Variants in ABCA5 observed in about 807,000 individuals in gnomAD.
ABCA5 encodes the protein ATP binding cassette subfamily A member 5.
A neutral mutation model predicts 206.0 loss-of-function variants in ABCA5; 163 were observed. The observed-to-expected ratio is 0.79, with a 90% confidence interval of 0.70 to 0.90. ABCA5 has a LOEUF of 0.90. ABCA5 is among the 40% of genes least tolerant of loss of function. The pLI, the probability that ABCA5 is intolerant of heterozygous loss-of-function variation, is 0.00. For missense variants in ABCA5, 1,859 were observed against 1,912.9 expected (o/e 0.97, Z 0.53); for synonymous variants, 609 against 613.8 (o/e 0.99, Z 0.11).
In ABCA5 at chr17:69,302,944, T is replaced by C. The variant is rs764847428; in HGVS notation, c.931-38A>G. The stretch of plus-strand genomic sequence containing the variant: ...AATATTAAGGTTAGTGCAATGTTCA[T>C]ATATACCAGTATGAAAACAAAATTA... On this transcript the variant is annotated intron_variant, in intron 7 of 38. Transcript: ENST00000392676. 79 of 1,103,958 alleles carry C rather than the reference T, an allele frequency of 7.2e-5. 1 individual carries two copies. The South Asian group carries it at 2.1e-3, about 30-fold the overall frequency. The allele number at this position is 1,103,958 out of a possible 1,614,324, so 68.4% of individuals were successfully genotyped here.
chr17:69,311,454 GACTT>G (rs1353915762), intron 3 of ABCA5, among the ~76,000 whole-genome samples: 1 of 151,920 alleles, frequency 6.6e-6, no homozygotes, highest in Non-Finnish European at 1.5e-5. Flanking sequence ...AATACACACT[GACTT>G]AGTTGTTTTT....
chr17:69,291,849 G>A (rs1024910377), intron 11 of ABCA5, among the ~76,000 whole-genome samples: 5 of 151,714 alleles, frequency 3.3e-5, no homozygotes, highest in African/African-American at 7.2e-5. Flanking sequence ...ACAGTGGCTC[G>A]TGCCTGTAAT....
intron 17 of ABCA5, among the ~76,000 whole-genome samples, chr17:69,284,416 A>G (rs1034654046): frequency 6.6e-6 from 1 of 152,036 alleles, no homozygotes; most frequent in African/African-American, 2.4e-5. Context: ...TATCATATCT[A>G]TTACCATATT....
chr17:69,268,189 A>G (rs2075232812), intron 22 of ABCA5, 133 bp from the exon 23 acceptor site: 1 of 544,894 alleles, frequency 1.8e-6, no homozygotes, highest in African/African-American at 1.9e-5. Context: ...TAACCCAGGC[A>G]TAGTCTACAT....
In ABCA5 at chr17:69,255,610, G is replaced by A. The variant is rs761758132; in HGVS notation, c.4001C>T (p.Pro1334Leu). Residue 1334 changes from proline to leucine, a missense_variant, in exon 31 of 39, where the codon CCA becomes CTA. Pro to Leu is a moderately conservative substitution (Grantham distance 98). Coordinates refer to ENST00000392676, the MANE Select transcript of ABCA5 (RefSeq NM_172232.4). ...KKGEILGLLG[P>L]NGAGKSTIIN... ...AATTGTGCTTTTGCCAGCACCATTT[G>A]GACCCAATAGTCCTAAGATCTCTCC... 6.3e-7 allele frequency: 1 copy of A among 1,580,744 alleles called. No individual in the cohort carries two copies. Among genetic ancestry groups the A allele is most frequent in the Non-Finnish European group, 8.5e-7 (1 of 1,170,888 alleles).
chr17:69,255,957 G>T (rs1274618507), intron 29 of ABCA5, 107 bp from the exon 30 acceptor site: 2 of 1,102,058 alleles, frequency 1.8e-6, no homozygotes, highest in Admixed American at 2.9e-5. Context: ...GGCTAATAAG[G>T]GGATACTGTA....
rs555559339 is a variant in ABCA5, at chr17:69,250,800, T to C, written c.4536-179A>G. On this transcript the variant is annotated intron_variant, in intron 35 of 38. Coordinates refer to ENST00000392676, the MANE Select transcript of ABCA5 (RefSeq NM_172232.4). ...TTTCAGTTTCCCTAATCTTATCATCTTATATTACCATGGTAAATTCCTCAC... is the reference window on the plus strand; with the variant it reads ...TTTCAGTTTCCCTAATCTTATCATCCTATATTACCATGGTAAATTCCTCAC... 12 of 374,470 alleles carry C rather than the reference T, an allele frequency of 3.2e-5. No individual in the cohort carries two copies. In the Admixed American group the frequency reaches 4.8e-4, roughly 15 times the overall value. The allele number at this position is 374,470 out of a possible 1,614,324, so 23.2% of individuals were successfully genotyped here. A position where few individuals can be genotyped will look rare whatever the true frequency, so the allele number is the denominator to read the frequency against.
chr17:69,267,898 G>T, intron 23 of ABCA5, 45 bp downstream of exon 23: 1 of 1,108,850 alleles, frequency 9.0e-7, no homozygotes, highest in South Asian at 1.4e-5. Context: ...ATTTTTATAT[G>T]ACACTTCTTA....
rs548502400 is a variant in ABCA5, at chr17:69,301,638, C to T, written c.1120-352G>A. ...CAAATGCAAACAAAAGGGTTATGAT[C>T]CATATGAAAGCCAAACAAATTAAGT... On this transcript the variant is annotated intron_variant, in intron 8 of 38. Coordinates refer to ENST00000392676, the MANE Select transcript of ABCA5 (RefSeq NM_172232.4). Among the ~76,000 whole-genome samples the T allele has an allele frequency of 2.6e-5, 4 of 152,050 alleles. No individual in the cohort carries two copies. In the South Asian group the frequency reaches 8.3e-4, roughly 32 times the overall value.
chr17:69,294,844 T>C (rs1410391388), intron 10 of ABCA5, 131 bp from the exon 11 acceptor site: 3 of 559,466 alleles, frequency 5.4e-6, no homozygotes, highest in East Asian at 3.2e-5. Flanking sequence ...AGTACTTTCC[T>C]ACTAAAACAA....
At chr17:69,284,221 A>T in intron 17 of ABCA5, 149 bp from the exon 18 acceptor site, 1 of 600,010 alleles carries the variant, frequency 1.7e-6, no homozygotes, top group Non-Finnish European at 2.5e-6. Context: ...AGCTAGGCAT[A>T]AATACTGATG....
rs531605145 is a variant in ABCA5, at chr17:69,266,605, T to A, written c.3144+1338A>T. 8.4e-4 allele frequency among the ~76,000 whole-genome samples: 122 copies of A among 145,564 alleles called. 1 individual carries two copies. The highest frequency in any genetic ancestry group is 3.6e-3 in the Middle Eastern group (1 of 278). On this transcript the variant is annotated intron_variant, in intron 23 of 38. Transcript: ENST00000392676. ...ATATATAAATAAAAAAATTAAAAAA[T>A]AAATAAATAAAAATAAAAAATTTAT...
In ABCA5 at chr17:69,270,686, A is replaced by T. The variant is rs751157315; in HGVS notation, c.2957T>A (p.Ile986Asn). The T allele has an allele frequency of 1.2e-6, 2 of 1,601,628 alleles. No individual in the cohort carries two copies. Among genetic ancestry groups the T allele is most frequent in the Non-Finnish European group, 1.7e-6 (2 of 1,174,534 alleles). ...MVYSLPILVN[I>N]ISNYYLYHLN... ...ATGATAAAGATAGTAGTTACTAATG[A>T]TATTCACTAATATAGGTAAAGAATA... The change falls in exon 22 of 39, where the codon ATC becomes AAC. Residue 986 changes from isoleucine (I) to asparagine (N), a missense_variant. Transcript: ENST00000392676.
chr17:69,289,212 G>C lies in ABCA5; in HGVS notation c.1867C>G (p.Leu623Val). ...KKLSGGQKRKLSLGIAVLGNP... is the reference protein window; with the variant it reads ...KKLSGGQKRKVSLGIAVLGNP... ...CCAAGAACAGCAATTCCTAATGACA[G>C]CTTTCTTTTTTGACCACCACTTAAT... is the stretch of plus-strand genomic sequence containing the variant. The change falls in exon 14 of 39, where the codon CTG becomes GTG. Residue 623 changes from leucine to valine, a missense_variant. Transcript: ENST00000392676. 1 of 1,607,876 alleles carries C rather than the reference G, an allele frequency of 6.2e-7. No homozygotes were observed. The highest frequency in any genetic ancestry group is 8.5e-7 in the Non-Finnish European group (1 of 1,177,384).
At chr17:69,292,605 T>C (rs995675645) in intron 11 of ABCA5, among the ~76,000 whole-genome samples, 11 of 152,206 alleles carry the variant, frequency 7.2e-5, no homozygotes, top group Middle Eastern at 3.2e-3. Context: ...CTCTTGCTTC[T>C]TTGCATTAGA....
intron 1 of ABCA5, chr17:69,317,756 C>T (rs1407644823): frequency 1.3e-5 from 2 of 152,166 alleles, no homozygotes; most frequent in African/African-American, 2.4e-5. Context: ...CTTTGAAGAT[C>T]CTTGAAATCC....
chr17:69,277,779 A>T lies in ABCA5; in HGVS notation c.2456T>A (p.Met819Lys). 1 of 1,589,370 alleles carries T rather than the reference A, an allele frequency of 6.3e-7. No individual in the cohort carries two copies. Among genetic ancestry groups the T allele is most frequent in the Non-Finnish European group, 8.5e-7 (1 of 1,170,342 alleles). The change falls in exon 19 of 39, where the codon ATG (methionine) becomes AAG (lysine). Residue 819 changes from methionine to lysine, a missense_variant. Transcript: ENST00000392676. ...AGAAAGAATAAGTAAGCTCTGTTCCATTTCATCAAAAGATTTTGAATCCAT... is the reference window on the plus strand; with the variant it reads ...AGAAAGAATAAGTAAGCTCTGTTCCTTTTCATCAAAAGATTTTGAATCCAT... The part of the protein sequence containing the change: ...EEMDSKSFDE[M>K]EQSLLILSET...
chr17:69,253,593 G>A lies in ABCA5; in HGVS notation c.4395C>T (p.Pro1465=), dbSNP rs1262026537. Residue 1465 remains proline, a synonymous_variant, in exon 34 of 39, where the codon CCC becomes CCT. Coordinates refer to ENST00000392676, the MANE Select transcript of ABCA5 (RefSeq NM_172232.4). The part of the protein sequence containing the change: ...LLDEPSTGMD[P]KAKQHMWRAI... ...CTCACCACATGTGCTGTTTGGCTTT[G>A]GGATCCATACCTGTAGATGGTTCAT... 6.2e-7 allele frequency: 1 copy of A among 1,613,596 alleles called. No individual in the cohort carries two copies. The highest frequency in any genetic ancestry group is 2.2e-5 in the East Asian group (1 of 44,808).
At chr17:69,297,463 T>G in intron 9 of ABCA5, 104 bp from the exon 10 acceptor site, 15 of 908,950 alleles carry the variant, frequency 1.7e-5, no homozygotes, top group Non-Finnish European at 2.0e-5. Context: ...TTAGGTACCA[T>G]TCCGCAACAT....
Sources: gnomAD v4.1 joint callset for allele counts (sites outside exome capture counted in the v4.1 genomes callset) on GRCh38, gnomAD v4.1.1 for gene constraint, MANE v1.5 for transcripts, NCBI Gene and HGNC (gene_info 2026-07-23, HGNC 2026-07-21) for gene names.